Variants in DLG2 observed in about 807,000 individuals in gnomAD.
DLG2 encodes disks large homolog 2.
DLG2 carries 45 observed loss-of-function variants against 132.5 expected under a neutral mutation model. The ratio of observed to expected loss-of-function variants is 0.34; its 90% CI spans 0.27 to 0.44. The LOEUF is 0.44. Ranked by LOEUF, DLG2 falls within the 20% of genes least tolerant of loss-of-function variation. DLG2 has a pLI of 1.00. For synonymous variants in DLG2, 424 were observed against 419.6 expected (o/e 1.01, Z -0.13); for missense variants, 1,045 against 1,196.9 (o/e 0.87, Z 1.87).
At chr11:85,151,876 G>A (rs538505408) in intron 5 of DLG2, among the ~76,000 whole-genome samples, 1 of 152,110 alleles carries the variant, frequency 6.6e-6, no homozygotes, top group Admixed American at 6.6e-5. Context: ...TAGTGTCTCG[G>A]AACTAACGCT....
At chr11:84,009,447 T>C (rs1431132843) in intron 11 of DLG2, among the ~76,000 whole-genome samples, 2 of 152,126 alleles carry the variant, frequency 1.3e-5, no homozygotes, top group Non-Finnish European at 2.9e-5. Context: ...CTATTCTTTA[T>C]ATGGTATGAT....
At chr11:84,642,088 G>A (rs960109532) in intron 6 of DLG2, among the ~76,000 whole-genome samples, 1 of 134,748 alleles carries the variant, frequency 7.4e-6, no homozygotes, top group Admixed American at 7.1e-5. Context: ...GTGTGTATAT[G>A]TAGAGTGTGT....
chr11:85,543,125 T>C (rs1384600879), intron 3 of DLG2, among the ~76,000 whole-genome samples: 1 of 152,172 alleles, frequency 6.6e-6, no homozygotes, highest in Non-Finnish European at 1.5e-5. Context: ...CTACTAATGC[T>C]ATCCCTCCCC....
chr11:84,041,344 A>G (rs1159275602), intron 11 of DLG2, among the ~76,000 whole-genome samples: 1 of 151,958 alleles, frequency 6.6e-6, no homozygotes, highest in Non-Finnish European at 1.5e-5. Context: ...TTAAGCAGTT[A>G]TAAAGTTAAA....
intron 18 of DLG2, among the ~76,000 whole-genome samples, chr11:83,679,067 T>G (rs890608783): frequency 5.9e-5 from 9 of 152,154 alleles, no homozygotes; most frequent in Non-Finnish European, 1.2e-4. Context: ...CAAACTCTAT[T>G]GCATACTTCC....
At chr11:84,385,581 A>C (rs2098766580) in intron 7 of DLG2, among the ~76,000 whole-genome samples, 1 of 152,058 alleles carries the variant, frequency 6.6e-6, no homozygotes, top group South Asian at 2.1e-4. Context: ...TCCTTTGGGG[A>C]ATTATTAATA....
chr11:85,428,621 C>A (rs915304692), intron 3 of DLG2, among the ~76,000 whole-genome samples: 10 of 152,122 alleles, frequency 6.6e-5, no homozygotes, highest in African/African-American at 2.4e-4. Flanking sequence ...GGGACACATT[C>A]AAAGCAGTGT....
chr11:85,058,562 C>A (rs1387703315), intron 6 of DLG2, among the ~76,000 whole-genome samples: 2 of 151,342 alleles, frequency 1.3e-5, no homozygotes, highest in African/African-American at 2.4e-5. Context: ...TATGGAAATG[C>A]AAATATACAA....
intron 4 of DLG2, among the ~76,000 whole-genome samples, chr11:85,251,356 G>A (rs78675574): frequency 0.02 from 3,015 of 152,178 alleles, 61 homozygotes; most frequent in Admixed American, 0.037. Context: ...GTAGCACATC[G>A]TTATATATAT....
chr11:85,408,665 C>T (rs972179312), intron 3 of DLG2, among the ~76,000 whole-genome samples: 2 of 150,464 alleles, frequency 1.3e-5, no homozygotes, highest in Non-Finnish European at 3.0e-5. Flanking sequence ...TTTGTTCTTG[C>T]GATAGTTTAC....
intron 3 of DLG2, among the ~76,000 whole-genome samples, chr11:85,457,498 T>C (rs570638103): frequency 7.3e-4 from 111 of 152,350 alleles, no homozygotes; most frequent in Non-Finnish European, 1.4e-3. Context: ...AGCTGGTTAT[T>C]ATGCAGACTT....
At chr11:83,907,225 G>C (rs790354) in intron 15 of DLG2, among the ~76,000 whole-genome samples, 69,594 of 152,010 alleles carry the variant, frequency 0.46, 16,154 homozygotes, top group South Asian at 0.53. Flanking sequence ...GGATCACATT[G>C]CAGAAGAATT....
At chr11:83,748,628 G>A (rs867779153) in intron 18 of DLG2, among the ~76,000 whole-genome samples, 1 of 152,150 alleles carries the variant, frequency 6.6e-6, no homozygotes, top group Non-Finnish European at 1.5e-5. Context: ...GAGGTAGAAG[G>A]GTCAAGGAAG....
chr11:84,726,063 T>G (rs577299220), intron 6 of DLG2, among the ~76,000 whole-genome samples: 1 of 152,222 alleles, frequency 6.6e-6, no homozygotes, highest in Admixed American at 6.5e-5. Context: ...ATAAATGGAC[T>G]CTAATATGCA....
intron 6 of DLG2, among the ~76,000 whole-genome samples, chr11:84,973,103 G>A (rs2154115528): frequency 6.6e-6 from 1 of 152,010 alleles, no homozygotes; most frequent in East Asian, 1.9e-4. Flanking sequence ...GATTACAGGT[G>A]CATCCCACCA....
chr11:84,974,222 T>C (rs2054549200), intron 6 of DLG2, among the ~76,000 whole-genome samples: 1 of 152,202 alleles, frequency 6.6e-6, no homozygotes, highest in South Asian at 2.1e-4. Context: ...TAGGTGTTCC[T>C]TTTCTGTTCT....
At chr11:85,397,141 A>G (rs1335854958) in intron 3 of DLG2, among the ~76,000 whole-genome samples, 1 of 152,228 alleles carries the variant, frequency 6.6e-6, no homozygotes, top group Non-Finnish European at 1.5e-5. Context: ...CTTAAAGAAA[A>G]GAGTTTTCAA....
At chr11:85,582,418 G>A (rs2078586711) in intron 3 of DLG2, among the ~76,000 whole-genome samples, 1 of 151,794 alleles carries the variant, frequency 6.6e-6, no homozygotes, top group South Asian at 2.1e-4. Context: ...ATGCTGTGGA[G>A]GAAGAAATTA....
chr11:85,034,425 ATCT>A (rs1157689599), intron 6 of DLG2, among the ~76,000 whole-genome samples: 1 of 152,152 alleles, frequency 6.6e-6, no homozygotes, highest in Non-Finnish European at 1.5e-5. Flanking sequence ...CCAAAGCAAA[ATCT>A]TCTACAGTTT....
Sources: gnomAD v4.1 joint callset for allele counts (sites outside exome capture counted in the v4.1 genomes callset) on GRCh38, gnomAD v4.1.1 for gene constraint, MANE v1.5 for transcripts, NCBI Gene and HGNC (gene_info 2026-07-23, HGNC 2026-07-21) for gene names.